The following GPR157 variants were observed in gnomAD, a reference collection of about 807,000 sequenced individuals.
GPR157 encodes the protein G-protein coupled receptor 157.
Under a neutral mutation model 23.5 loss-of-function variants are expected in GPR157, and 16 were observed. The observed-to-expected ratio is 0.68, with a 90% CI of 0.46 to 1.04. The LOEUF (loss-of-function observed/expected upper bound fraction) is 1.04, where lower values mean the gene tolerates loss of function less well. Among genes scored for constraint, GPR157 ranks in the 50% least tolerant of loss-of-function variants. GPR157 has a pLI of 0.00. For synonymous variants in GPR157, 200 were observed against 221.5 expected, an observed-to-expected ratio of 0.90 and a Z score of 0.86; for missense variants, 440 against 460.7, an observed-to-expected ratio of 0.96 and a Z score of 0.41.
chr1:9,115,828 CCA>C (rs1638622626), intron 1 of GPR157, among the ~76,000 whole-genome samples: 3 of 151,110 alleles, frequency 2.0e-5, no homozygotes, highest in East Asian at 3.9e-4. Flanking sequence ...CAAATCTGGC[CCA>C]CAGTTTTTTT....
chr1:9,105,390 G>A lies in GPR157; in HGVS notation c.792+96C>T. Reference sequence around the variant, plus strand: ...AGCTCCTCCCTGCAGCTGTGCCTTGGCCGACACTGGGGTGCAGCCACTGTG... The same window carrying A: ...AGCTCCTCCCTGCAGCTGTGCCTTGACCGACACTGGGGTGCAGCCACTGTG... On this transcript the variant is annotated intron_variant, in intron 3 of 3. Coordinates refer to ENST00000377411, the MANE Select transcript of GPR157 (RefSeq NM_024980.5). This position sits in a 1 kb window ranked among gnomAD's most constrained non-coding sequence, Gnocchi z 4.8. 4.3e-6 allele frequency: 5 copies of A among 1,173,098 alleles called. No homozygotes were observed. The highest frequency in any genetic ancestry group is 5.9e-6 in the Non-Finnish European group (5 of 841,156). The allele number at this position is 1,173,098 out of a possible 1,614,324, so 72.7% of individuals were successfully genotyped here.
chr1:9,107,081 G>T lies in GPR157; in HGVS notation c.598-1401C>A, dbSNP rs552448013. Among the ~76,000 whole-genome samples the T allele has an allele frequency of 2.0e-4, 31 of 152,252 alleles. No homozygotes were observed. In the South Asian group the frequency reaches 6.4e-3, roughly 32 times the overall value. ...TTTCCCACAGTTTGTCTCACCCTCA[G>T]TCCCACGATGTTATTCACCCTTGTT... On this transcript the variant is annotated intron_variant, in intron 2 of 3. Transcript: ENST00000377411.
Position 9,104,171 on chromosome 1 carries a change from T to C in GPR157, c.*248A>G. ...GGGCCACCGGCTTCCCGAATCTCAC[T>C]GCTACCCTTATGCAGATGAACGCCC... On this transcript the variant is annotated 3_prime_UTR_variant, in exon 4 of 4. Coordinates refer to ENST00000377411, the MANE Select transcript of GPR157 (RefSeq NM_024980.5). 1.9e-6 allele frequency: 1 copy of C among 517,142 alleles called. No homozygotes were observed. The highest frequency in any genetic ancestry group is 3.5e-6 in the Non-Finnish European group (1 of 285,272). 32.0% of individuals were successfully genotyped at this position (517,142 alleles called of 1,614,324 possible).
chr1:9,104,987 CAG>C (rs1353666101), intron 3 of GPR157, among the ~76,000 whole-genome samples: 1 of 145,874 alleles, frequency 6.9e-6, no homozygotes, highest in East Asian at 2.0e-4. Context: ...GTGACAAAGC[CAG>C]ACTCTGTCCC....
chr1:9,123,083 G>A (rs529459990), intron 1 of GPR157, among the ~76,000 whole-genome samples: 1 of 149,920 alleles, frequency 6.7e-6, no homozygotes, highest in South Asian at 2.1e-4. Context: ...TTGAACACGG[G>A]AGGTGGAGGT....
At chr1:9,113,832 A>T (rs908460681) in intron 1 of GPR157, among the ~76,000 whole-genome samples, 2 of 151,376 alleles carry the variant, frequency 1.3e-5, no homozygotes, top group Non-Finnish European at 2.9e-5. Flanking sequence ...AATCCCAGCT[A>T]CTTGGGAGCC....
intron 1 of GPR157, 83 bp from the exon 2 acceptor site, chr1:9,111,572 G>A (rs182702405): frequency 1.6e-5 from 18 of 1,127,744 alleles, no homozygotes; most frequent in South Asian, 7.0e-5. Context: ...GACGGAGGAC[G>A]CCCTTCAGAA....
chr1:9,128,752 G>A lies in GPR157; in HGVS notation c.276C>T (p.Ser92=), dbSNP rs1343826225. The change falls in exon 1 of 4, where the codon AGC becomes AGT. Residue 92 remains serine, a synonymous_variant. Transcript: ENST00000377411. This position sits in a 1 kb window ranked among gnomAD's most constrained non-coding sequence, Gnocchi z 6.3. ...QGALSTFANT[S]SFFWTVAIAL... ...CAATGGCCACGGTCCAGAAGAAGGA[G>A]CTGGTGTTGGCGAAGGTGGACAGCG... is the stretch of plus-strand genomic sequence containing the variant. 1.2e-6 allele frequency: 2 copies of A among 1,612,892 alleles called. No homozygotes were observed. The highest frequency in any genetic ancestry group is 3.3e-5 in the Admixed American group (2 of 59,974).
At chr1:9,123,394 A>AT (rs1557700966) in intron 1 of GPR157, among the ~76,000 whole-genome samples, 1 of 26,886 alleles carries the variant, frequency 3.7e-5, no homozygotes, top group Non-Finnish European at 7.9e-5. Context: ...ATTTAATTTA[A>AT]ATATATATTT....
At chr1:9,126,137 TA>T (rs1410472893) in intron 1 of GPR157, among the ~76,000 whole-genome samples, 2 of 152,152 alleles carry the variant, frequency 1.3e-5, no homozygotes, top group African/African-American at 4.8e-5. Flanking sequence ...TTTGTAATTT[TA>T]GTAGAGACGC....
chr1:9,124,645 T>C (rs1638926680), intron 1 of GPR157, among the ~76,000 whole-genome samples: 1 of 152,184 alleles, frequency 6.6e-6, no homozygotes, highest in East Asian at 1.9e-4. Flanking sequence ...TACTCCCTTC[T>C]GAGAATTTCT....
At chr1:9,123,517 T>TTAATTTAAATATATATTTAAAATATATA (rs1473943930) in intron 1 of GPR157, among the ~76,000 whole-genome samples, 2 of 38,704 alleles carry the variant, frequency 5.2e-5, no homozygotes, top group South Asian at 8.4e-4. Context: ...AAATATATAT[T>TTAATTTAAATATATATTTAAAATATATA]TAATTTAAAT....
At chr1:9,114,426 C>G (rs1418805803) in intron 1 of GPR157, among the ~76,000 whole-genome samples, 1 of 151,772 alleles carries the variant, frequency 6.6e-6, no homozygotes, top group African/African-American at 2.4e-5. Context: ...TTGCAGGATT[C>G]CGCTAAGGAA....
chr1:9,111,517 C>CG, intron 1 of GPR157, 28 bp from the exon 2 acceptor site: 2 of 1,590,966 alleles, frequency 1.3e-6, no homozygotes, highest in South Asian at 2.2e-5. Context: ...AAAGAGGCAT[C>CG]GGGGTCAGGC....
At chr1:9,109,824 A>C (rs1638435889) in intron 2 of GPR157, among the ~76,000 whole-genome samples, 1 of 152,144 alleles carries the variant, frequency 6.6e-6, no homozygotes, top group Non-Finnish European at 1.5e-5. Flanking sequence ...AGAGAAAACT[A>C]AAGGTCTTGA....
At position 9,120,888 on chromosome 1, in the gene GPR157, A is replaced by G. The variant is rs1405671143; in HGVS notation, c.383+7757T>C. 6.6e-6 allele frequency among the ~76,000 whole-genome samples: 1 copy of G among 152,210 alleles called. No individual in the cohort carries two copies. The highest frequency in any genetic ancestry group is 1.5e-5 in the Non-Finnish European group (1 of 68,034). On this transcript the variant is annotated intron_variant, in intron 1 of 3. Coordinates refer to ENST00000377411, the MANE Select transcript of GPR157 (RefSeq NM_024980.5). The surrounding 1 kb of genome is among the most constrained non-coding windows in gnomAD (Gnocchi z 4.1). ...ATGGGGAAATAAACGAAACCAGTTC[A>G]ATGATTGATATTTTCAGGAGTAGTG...
rs375485506 is a variant in GPR157, at chr1:9,105,658, C to T, written c.620G>A (p.Arg207Gln). Residue 207 changes from arginine to glutamine, a missense_variant, in exon 3 of 4, where the codon CGG becomes CAG. Transcript: ENST00000377411. The surrounding 1 kb of genome is among the most constrained non-coding windows in gnomAD (Gnocchi z 4.8). ...GCGGTGCTCCTGGGAGAGGATGGGC[C>T]GGTACTCAGAGAGTGCCGTGTGCTG... The part of the protein sequence containing the change: ...NRAHTALSEY[R>Q]PILSQEHRLL... 9.3e-6 allele frequency: 15 copies of T among 1,611,530 alleles called. No individual in the cohort carries two copies. Among genetic ancestry groups the T allele is most frequent in the East Asian group, 6.7e-5 (3 of 44,836 alleles).
chr1:9,121,814 C>T (rs906819788), intron 1 of GPR157, among the ~76,000 whole-genome samples: 11 of 152,084 alleles, frequency 7.2e-5, no homozygotes, highest in African/African-American at 2.7e-4. Context: ...GGTGGATGAA[C>T]GTGTGTGTGA....
chr1:9,128,439 G>A lies in GPR157; in HGVS notation c.383+206C>T, dbSNP rs1451725553. The A allele has an allele frequency of 1.5e-6, 1 of 685,672 alleles. No individual in the cohort carries two copies. The highest frequency in any genetic ancestry group is 1.5e-5 in the South Asian group (1 of 65,240). The allele number at this position is 685,672 out of a possible 1,614,324, so 42.5% of individuals were successfully genotyped here. On this transcript the variant is annotated intron_variant, in intron 1 of 3. Coordinates refer to ENST00000377411, the MANE Select transcript of GPR157 (RefSeq NM_024980.5). The surrounding 1 kb of genome is among the most constrained non-coding windows in gnomAD (Gnocchi z 6.3). ...CCCAAGGGGCTGTGCCCTGGGGCAG[G>A]CACAGCGGGGCTCCTTCGGGAGGGA...
Sources: allele counts gnomAD v4.1 joint callset (sites outside exome capture counted in the v4.1 genomes callset), GRCh38; gene constraint gnomAD v4.1.1; non-coding constraint Gnocchi (gnomAD v3.1); transcripts MANE v1.5; gene names NCBI Gene and HGNC (gene_info 2026-07-23, HGNC 2026-07-21).